LIMCH1: variants seen among roughly 807,000 people sequenced by gnomAD.
LIMCH1 encodes LIM and calponin homology domains 1.
In LIMCH1, 113 loss-of-function variants were observed where a neutral mutation model predicts 176.5. That is an observed-to-expected ratio of 0.64 (90% confidence interval 0.55 to 0.75). The LOEUF is 0.75. Ranked by LOEUF, LIMCH1 falls within the 30% of genes least tolerant of loss-of-function variation. The probability of loss-of-function intolerance (pLI) is 0.00; values close to 1 mark genes in which losing one functional copy is unlikely to be tolerated. For synonymous variants in LIMCH1, 619 were observed against 645.9 expected, an observed-to-expected ratio of 0.96 and a Z score of 0.63; for missense variants, 1,674 against 1,814.9, an observed-to-expected ratio of 0.92 and a Z score of 1.41.
intron 1 of LIMCH1, among the ~76,000 whole-genome samples, chr4:41,590,875 C>A (rs2087423476): frequency 6.6e-6 from 1 of 152,168 alleles, no homozygotes; most frequent in East Asian, 1.9e-4. Context: ...GTTACCCATA[C>A]AGGCTGAGGC....
At chr4:41,388,735 C>T (rs999034166) in intron 1 of LIMCH1, among the ~76,000 whole-genome samples, 4 of 152,284 alleles carry the variant, frequency 2.6e-5, no homozygotes, top group East Asian at 1.9e-4. Context: ...CTCCGCCTCC[C>T]GGGTTCAAGT....
intron 1 of LIMCH1, among the ~76,000 whole-genome samples, chr4:41,407,495 G>T (rs2154121445): frequency 6.6e-6 from 1 of 152,308 alleles, no homozygotes. Flanking sequence ...CTCCCAAAGT[G>T]CCGGGTTTAC....
In LIMCH1 at chr4:41,680,997, T is replaced by A. The variant is rs773927373; in HGVS notation, c.3655T>A (p.Ser1219Thr). 1.1e-5 allele frequency: 17 copies of A among 1,612,722 alleles called. No homozygotes were observed. Among genetic ancestry groups the A allele is most frequent in the Non-Finnish European group, 1.4e-5 (17 of 1,178,900 alleles). The change falls in exon 25 of 32, where the codon TCT (serine) becomes ACT (threonine). Residue 1219 changes from serine to threonine, a missense_variant. Transcript: ENST00000503057. ...IEDTVVPFTV[S>T]SSSADQLSTS... ...AGACACTGTGGTTCCATTTACTGTT[T>A]CTTCAAGTTCCGCTGACCAGCTGTC...
chr4:41,633,105 T>C lies in LIMCH1; in HGVS notation c.1829+20T>C, dbSNP rs1367600900. On this transcript the variant is annotated intron_variant, in intron 12 of 31. Coordinates refer to ENST00000503057, the MANE Select transcript of LIMCH1 (RefSeq NM_001330672.2). ...GCCACTGTGAGCATCTTGCCTGCGCTCTGCTCCGTGGTGTGTTGCCCCTGC... is the reference window on the plus strand; with the variant it reads ...GCCACTGTGAGCATCTTGCCTGCGCCCTGCTCCGTGGTGTGTTGCCCCTGC... The C allele has an allele frequency of 6.7e-7, 1 of 1,496,166 alleles. No homozygotes were observed. Among genetic ancestry groups the C allele is most frequent in the Admixed American group, 2.0e-5 (1 of 50,950 alleles). The allele number at this position is 1,496,166 out of a possible 1,614,324, so 92.7% of individuals were successfully genotyped here. A position where few individuals can be genotyped will look rare whatever the true frequency, so the allele number is the denominator to read the frequency against.
At chr4:41,494,120 A>G (rs1397277450) in intron 1 of LIMCH1, among the ~76,000 whole-genome samples, 1 of 152,112 alleles carries the variant, frequency 6.6e-6, no homozygotes. Context: ...CTTGTCAGGA[A>G]GGGTAGATAT....
intron 7 of LIMCH1, 120 bp from the exon 8 acceptor site, chr4:41,626,588 A>G: frequency 1.2e-6 from 1 of 827,708 alleles, no homozygotes; most frequent in Non-Finnish European, 1.8e-6. Context: ...AACAGATGTC[A>G]TTTGAACTAA....
chr4:41,471,956 A>C (rs551569941), intron 1 of LIMCH1, among the ~76,000 whole-genome samples: 4 of 152,198 alleles, frequency 2.6e-5, no homozygotes, highest in South Asian at 2.1e-4. Flanking sequence ...ATCTACACAC[A>C]AGTGCACTTG....
At chr4:41,619,143 T>A (rs759557857) in intron 5 of LIMCH1, 45 bp from the exon 6 acceptor site, 1 of 1,607,614 alleles carries the variant, frequency 6.2e-7, no homozygotes, top group Non-Finnish European at 8.5e-7. Flanking sequence ...GGGAACTTTC[T>A]GCTAGCCTAA....
intron 1 of LIMCH1, among the ~76,000 whole-genome samples, chr4:41,484,628 A>T (rs1018907055): frequency 5.9e-5 from 9 of 152,244 alleles, no homozygotes; most frequent in Admixed American, 5.9e-4. Flanking sequence ...CAGTGAACTA[A>T]TGAGGTGTTT....
chr4:41,595,874 A>G (rs903761842), intron 1 of LIMCH1, among the ~76,000 whole-genome samples: 2 of 151,908 alleles, frequency 1.3e-5, no homozygotes, highest in African/African-American at 4.8e-5. Context: ...ACATAGTGAA[A>G]CTTCATCTCT....
intron 18 of LIMCH1, among the ~76,000 whole-genome samples, chr4:41,653,052 AG>A (rs1200288321): frequency 6.6e-6 from 1 of 152,138 alleles, no homozygotes; most frequent in South Asian, 2.1e-4. Context: ...CAACTATGGC[AG>A]GGGGTATTGC....
intron 4 of LIMCH1, chr4:41,613,231 G>T: frequency 1.2e-6 from 1 of 839,338 alleles, no homozygotes; most frequent in Non-Finnish European, 1.8e-6. Flanking sequence ...GTTATTTGGG[G>T]ATTTTTTTAA....
intron 8 of LIMCH1, among the ~76,000 whole-genome samples, chr4:41,628,010 A>G (rs1330440745): frequency 2.0e-5 from 3 of 152,208 alleles, no homozygotes; most frequent in Non-Finnish European, 4.4e-5. Flanking sequence ...ACAAAAACCC[A>G]TGAGGGATTC....
chr4:41,429,227 T>C (rs1178354911), intron 1 of LIMCH1, among the ~76,000 whole-genome samples: 1 of 152,240 alleles, frequency 6.6e-6, no homozygotes, highest in Non-Finnish European at 1.5e-5. Context: ...TGCTTTATTC[T>C]CATTTTTTCC....
At chr4:41,431,218 T>C (rs2061582112) in intron 1 of LIMCH1, among the ~76,000 whole-genome samples, 1 of 152,154 alleles carries the variant, frequency 6.6e-6, no homozygotes. Context: ...CTCTGCAAAA[T>C]TCAGAGGAAG....
intron 2 of LIMCH1, among the ~76,000 whole-genome samples, chr4:41,523,506 T>G (rs1277965332): frequency 6.6e-6 from 1 of 152,218 alleles, no homozygotes. Context: ...AAGTTTCTCT[T>G]TGCACAGTAT....
chr4:41,490,542 A>T (rs1158548515), intron 1 of LIMCH1, among the ~76,000 whole-genome samples: 1 of 152,050 alleles, frequency 6.6e-6, no homozygotes, highest in East Asian at 1.9e-4. Flanking sequence ...CTGCCCTTAA[A>T]CCATTTAACC....
rs1732159588 is a variant in LIMCH1, at chr4:41,699,213, C to G, written c.*2028C>G. On this transcript the variant is annotated 3_prime_UTR_variant, in exon 32 of 32. Transcript: ENST00000503057. The stretch of plus-strand genomic sequence containing the variant: ...ATACTTTTTACATGTGCAACTCCAT[C>G]CGTTATGTAAGGATTACATGAATAT... 6.6e-6 allele frequency: 1 copy of G among 152,248 alleles called. No individual in the cohort carries two copies. The highest frequency in any genetic ancestry group is 6.5e-5 in the Admixed American group (1 of 15,282). 9.4% of individuals were successfully genotyped at this position (152,248 alleles called of 1,614,324 possible). A position where few individuals can be genotyped will look rare whatever the true frequency, so the allele number is the denominator to read the frequency against.
intron 1 of LIMCH1, among the ~76,000 whole-genome samples, chr4:41,453,215 A>G (rs548591420): frequency 3.3e-5 from 5 of 152,334 alleles, no homozygotes; most frequent in South Asian, 4.1e-4. Flanking sequence ...AATGGTAATT[A>G]TGAGATACCG....
Sources: allele counts gnomAD v4.1 joint callset (sites outside exome capture counted in the v4.1 genomes callset), GRCh38; gene constraint gnomAD v4.1.1; transcripts MANE v1.5; gene names NCBI Gene and HGNC (gene_info 2026-07-23, HGNC 2026-07-21).